VPS13B: variants seen among roughly 807,000 people sequenced by gnomAD.
VPS13B encodes the protein vacuolar protein sorting 13 homolog B.
A neutral mutation model predicts 426.4 loss-of-function variants in VPS13B; 285 were observed. The observed-to-expected ratio is 0.67, with a 90% CI of 0.61 to 0.74. The LOEUF (loss-of-function observed/expected upper bound fraction) is 0.74. Among genes scored for constraint, VPS13B ranks in the 30% least tolerant of loss-of-function variants. The pLI, the probability that VPS13B is intolerant of heterozygous loss-of-function variation, is 0.00. For missense variants in VPS13B, 4,537 were observed against 4,782.6 expected, an observed-to-expected ratio of 0.95 and a Z score of 1.51; for synonymous variants, 1,676 against 1,676.4, an observed-to-expected ratio of 1.00 and a Z score of 0.01.
At chr8:99,341,718 A>G in intron 19 of VPS13B, 1 of 391,296 alleles carries the variant, frequency 2.6e-6, no homozygotes, top group Non-Finnish European at 5.3e-6. Context: ...ATATTCTGGG[A>G]TCTTTCTGCC....
intron 33 of VPS13B, among the ~76,000 whole-genome samples, chr8:99,617,175 A>G (rs1289587420): frequency 2.6e-5 from 4 of 152,230 alleles, no homozygotes; most frequent in South Asian, 2.1e-4. Flanking sequence ...TAAGAATTGC[A>G]TCTCTCCTGT....
At chr8:99,096,250 T>C in intron 3 of VPS13B, 62 bp from the exon 4 acceptor site, 1 of 1,593,552 alleles carries the variant, frequency 6.3e-7, no homozygotes, top group East Asian at 2.3e-5. Context: ...TTAAAAAATT[T>C]TTTTTCTTAA....
intron 29 of VPS13B, among the ~76,000 whole-genome samples, chr8:99,517,537 A>G (rs569978316): frequency 1.3e-5 from 2 of 152,292 alleles, no homozygotes; most frequent in South Asian, 4.1e-4. Context: ...CTACTATTTT[A>G]TTTAGAAAAA....
chr8:99,110,930 T>C (rs1380240047), intron 5 of VPS13B, among the ~76,000 whole-genome samples, 168 bp from the exon 6 acceptor site: 1 of 151,990 alleles, frequency 6.6e-6, no homozygotes, highest in Non-Finnish European at 1.5e-5. Flanking sequence ...TTAAATTGTA[T>C]AATAAAATGA....
At chr8:99,719,298 G>C (rs1833042889) in intron 37 of VPS13B, among the ~76,000 whole-genome samples, 1 of 152,176 alleles carries the variant, frequency 6.6e-6, no homozygotes, top group Admixed American at 6.5e-5. Flanking sequence ...CTGTATTACA[G>C]TCATTGTCTC....
chr8:99,275,404 A>G, intron 19 of VPS13B, 150 bp downstream of exon 19: 1 of 723,786 alleles, frequency 1.4e-6, no homozygotes, highest in Non-Finnish European at 2.2e-6. Context: ...AATTCAAATG[A>G]AGAATTTTTG....
chr8:99,862,537 A>T (rs1046738961), intron 58 of VPS13B, among the ~76,000 whole-genome samples: 5 of 152,256 alleles, frequency 3.3e-5, no homozygotes, highest in African/African-American at 1.2e-4. Flanking sequence ...GCTTTAAAAA[A>T]TTTATGAAAA....
intron 19 of VPS13B, 81 bp downstream of exon 19, chr8:99,275,335 A>AG: frequency 1.1e-6 from 1 of 937,682 alleles, no homozygotes; most frequent in Non-Finnish European, 1.4e-6. Flanking sequence ...ATTGGTATAT[A>AG]TTTTTTTTTT....
chr8:99,360,613 TAC>T (rs997169711), intron 19 of VPS13B, among the ~76,000 whole-genome samples: 6 of 152,116 alleles, frequency 3.9e-5, no homozygotes, highest in African/African-American at 1.4e-4. Flanking sequence ...AACTTGAAGA[TAC>T]AACAAAATAC....
At position 99,049,418 on chromosome 8, in the gene VPS13B, A is replaced by G. The variant is rs187925430; in HGVS notation, c.291+10852A>G. Among the ~76,000 whole-genome samples the G allele has an allele frequency of 4.3e-3, 648 of 152,110 alleles. 1 individual carries two copies. Among genetic ancestry groups the G allele is most frequent in the Admixed American group, 7.9e-3 (121 of 15,280 alleles). ...AGACTCTATCTTTCCTTCATTTATGAAGCTTAGTTTTGCTGGATACAAAAT... is the reference window on the plus strand; with the variant it reads ...AGACTCTATCTTTCCTTCATTTATGGAGCTTAGTTTTGCTGGATACAAAAT... On this transcript the variant is annotated intron_variant, in intron 3 of 61. Transcript: ENST00000357162.
chr8:99,251,644 TG>T (rs1256222765), intron 17 of VPS13B, among the ~76,000 whole-genome samples: 4 of 152,182 alleles, frequency 2.6e-5, no homozygotes, highest in Non-Finnish European at 5.9e-5. Flanking sequence ...TTTCCTTTTT[TG>T]TAATAGCTTT....
At chr8:99,017,043 C>T (rs1563484852) in intron 2 of VPS13B, among the ~76,000 whole-genome samples, 1 of 152,108 alleles carries the variant, frequency 6.6e-6, no homozygotes, top group Non-Finnish European at 1.5e-5. Context: ...AATCTTTTCC[C>T]TTGTGGTTAG....
chr8:99,326,452 C>CTTTTTTTTTTTTTTTTTTTTTTTTTT lies in VPS13B; in HGVS notation c.2824+51203_2824+51228dup, dbSNP rs747097247. Among the ~76,000 whole-genome samples the CTTTTTTTTTTTTTTTTTTTTTTTTTT allele has an allele frequency of 9.2e-4, 30 of 32,524 alleles. 10 individuals carry two copies. Among genetic ancestry groups the CTTTTTTTTTTTTTTTTTTTTTTTTTT allele is most frequent in the African/African-American group, 1.2e-3 (9 of 7,746 alleles). The allele number at this position is 32,524 out of a possible 152,430, so 21.3% of individuals were successfully genotyped here. On this transcript the variant is annotated intron_variant, in intron 19 of 61. Transcript: ENST00000357162. Reference sequence around the variant, plus strand: ...ATTTCTATCTATCATCTCTAGGTAGCTTTTTTTTTTTTTTTTTTTTTTTTT... The same window carrying CTTTTTTTTTTTTTTTTTTTTTTTTTT: ...ATTTCTATCTATCATCTCTAGGTAGCTTTTTTTTTTTTTTTTTTTTTTTTTTTTTTTTTTTTTTTTTTTTTTTTTTT...
At chr8:99,074,861 T>C (rs1213783890) in intron 3 of VPS13B, among the ~76,000 whole-genome samples, 1 of 152,120 alleles carries the variant, frequency 6.6e-6, no homozygotes, top group African/African-American at 2.4e-5. Context: ...GGTCTCGAAC[T>C]CCTGACCTCA....
intron 19 of VPS13B, among the ~76,000 whole-genome samples, chr8:99,304,377 G>T (rs548942126): frequency 1.3e-5 from 2 of 151,918 alleles, no homozygotes; most frequent in South Asian, 2.1e-4. Context: ...TCTATTGGCA[G>T]ATGTGATTGC....
At chr8:99,835,146 A>G in intron 52 of VPS13B, 51 bp from the exon 53 acceptor site, 2 of 1,612,212 alleles carry the variant, frequency 1.2e-6, no homozygotes, top group South Asian at 2.2e-5. Flanking sequence ...AGGAGAGAGC[A>G]TTCATTTTTT....
At chr8:99,596,307 A>G (rs1827009545) in intron 33 of VPS13B, among the ~76,000 whole-genome samples, 1 of 152,012 alleles carries the variant, frequency 6.6e-6, no homozygotes, top group South Asian at 2.1e-4. Context: ...CGCTTAGGAA[A>G]CCAGATGGAA....
chr8:99,260,668 T>G (rs535002860), intron 17 of VPS13B, among the ~76,000 whole-genome samples: 4 of 151,976 alleles, frequency 2.6e-5, no homozygotes, highest in African/African-American at 7.2e-5. Context: ...CTAGATCACT[T>G]CTTTGAAGTC....
At chr8:99,431,441 A>T (rs2133411904) in intron 21 of VPS13B, 96 bp from the exon 22 acceptor site, 1 of 1,438,464 alleles carries the variant, frequency 7.0e-7, no homozygotes, top group Non-Finnish European at 9.6e-7. Context: ...TTATAATTTT[A>T]AGCAAGGAAA....
Sources: allele counts gnomAD v4.1 joint callset (sites outside exome capture counted in the v4.1 genomes callset), GRCh38; gene constraint gnomAD v4.1.1; transcripts MANE v1.5; gene names NCBI Gene and HGNC (gene_info 2026-07-23, HGNC 2026-07-21).